Variants in RNF11 observed in about 807,000 individuals in gnomAD.
RNF11 encodes ring finger protein 11.
In RNF11, 4 loss-of-function variants were observed where a neutral mutation model predicts 15.8. The observed-to-expected ratio is 0.25, with a 90% CI of 0.12 to 0.58. RNF11 has a LOEUF of 0.58. Among genes scored for constraint, RNF11 ranks in the 20% least tolerant of loss-of-function variants. The probability of loss-of-function intolerance (pLI) is 0.91; values close to 1 mark genes in which losing one functional copy is unlikely to be tolerated. For missense variants in RNF11, 139 were observed against 194.4 expected (o/e 0.71, Z 1.70); for synonymous variants, 68 against 72.3 (o/e 0.94, Z 0.30).
chr1:51,262,715 CTT>C (rs35542254), intron 1 of RNF11, among the ~76,000 whole-genome samples: 913 of 84,014 alleles, frequency 0.011, 5 homozygotes, highest in African/African-American at 0.043. Context: ...GCCTGCTAAT[CTT>C]TTTTTTTTTT....
At chr1:51,257,433 C>A (rs182016522) in intron 1 of RNF11, among the ~76,000 whole-genome samples, 46 of 152,074 alleles carry the variant, frequency 3.0e-4, no homozygotes, top group Middle Eastern at 3.4e-3. Context: ...TTTTAATTTT[C>A]TTTATTTTTT....
intron 1 of RNF11, among the ~76,000 whole-genome samples, chr1:51,262,976 T>C (rs1035387546): frequency 2.0e-5 from 3 of 152,132 alleles, no homozygotes; most frequent in Non-Finnish European, 2.9e-5. Flanking sequence ...AAAGATTAAG[T>C]TTAAGCAATG....
intron 1 of RNF11, among the ~76,000 whole-genome samples, chr1:51,256,231 C>G (rs1296462113): frequency 6.6e-6 from 1 of 152,152 alleles, no homozygotes; most frequent in Non-Finnish European, 1.5e-5. Flanking sequence ...GTTCATCCCT[C>G]CCCCCAACAC....
intron 1 of RNF11, among the ~76,000 whole-genome samples, chr1:51,238,414 C>G (rs1055302526): frequency 6.6e-6 from 1 of 152,138 alleles, no homozygotes; most frequent in African/African-American, 2.4e-5. Flanking sequence ...TTGTATCCCT[C>G]GCATCTGCCT....
intron 1 of RNF11, among the ~76,000 whole-genome samples, chr1:51,258,343 TA>T (rs1557680938): frequency 6.6e-6 from 1 of 152,166 alleles, no homozygotes; most frequent in Non-Finnish European, 1.5e-5. Context: ...GGTTGGGCAG[TA>T]GAGCAGGGCA....
intron 1 of RNF11, among the ~76,000 whole-genome samples, chr1:51,247,098 T>C (rs1646855697): frequency 6.6e-6 from 1 of 152,166 alleles, no homozygotes; most frequent in South Asian, 2.1e-4. Context: ...GAGTTCAGGC[T>C]TTTTTCAGCT....
intron 2 of RNF11, among the ~76,000 whole-genome samples, chr1:51,270,716 G>A (rs909473339): frequency 3.9e-5 from 6 of 152,148 alleles, no homozygotes; most frequent in South Asian, 4.1e-4. Flanking sequence ...AAAGTTGCCC[G>A]AAGTTAGTGT....
intron 1 of RNF11, among the ~76,000 whole-genome samples, chr1:51,242,873 C>G (rs1646836457): frequency 6.6e-6 from 1 of 152,142 alleles, no homozygotes; most frequent in African/African-American, 2.4e-5. Flanking sequence ...TGGAAAATAT[C>G]TCCAAATTTA....
rs186342757 is a variant in RNF11 at position 51,238,405 on chromosome 1, T to C, written c.123+1526T>C. 1.1e-3 allele frequency among the ~76,000 whole-genome samples: 170 copies of C among 152,312 alleles called. 1 individual carries two copies. The highest frequency in any genetic ancestry group is 2.4e-4 in the Non-Finnish European group (16 of 68,016). The stretch of plus-strand genomic sequence containing the variant: ...AGAATCTGTGTTTCCGGTTTGCTGT[T>C]GTATCCCTCGCATCTGCCTCAGTAG... On this transcript the variant is annotated intron_variant, in intron 1 of 2. Transcript: ENST00000242719.
At chr1:51,242,076 C>T (rs907840947) in intron 1 of RNF11, among the ~76,000 whole-genome samples, 1 of 152,136 alleles carries the variant, frequency 6.6e-6, no homozygotes, top group African/African-American at 2.4e-5. Context: ...CCGACCTATA[C>T]TTTTTGATTG....
rs1161390183 is a variant in RNF11, at chr1:51,236,347, T to G, written c.-410T>G. The G allele has an allele frequency of 6.5e-6, 1 of 154,320 alleles. No individual in the cohort carries two copies. Among genetic ancestry groups the G allele is most frequent in the South Asian group, 1.9e-4 (1 of 5,214 alleles). 9.6% of individuals were successfully genotyped at this position (154,320 alleles called of 1,614,324 possible). On this transcript the variant is annotated 5_prime_UTR_variant, in exon 1 of 3. Transcript: ENST00000242719. ...GTAGGATGAGGCCCGCGGCCGTGGC[T>G]CCGGCGTCGGCGGGGGCAGCAGCAG...
At position 51,270,143 on chromosome 1, in the gene RNF11, T is replaced by A. The variant is rs536738838; in HGVS notation, c.293+18T>A. 5.1e-6 allele frequency: 8 copies of A among 1,572,994 alleles called. No individual in the cohort carries two copies. The South Asian group carries it at 9.5e-5, about 19-fold the overall frequency. On this transcript the variant is annotated intron_variant, in intron 2 of 2. Transcript: ENST00000242719. ...ATCCGGGAGTAAGTTTTAATTAATT[T>A]GTACATTTCAAAGTTTTATTTTCAG...
At chr1:51,248,271 G>A (rs1646861786) in intron 1 of RNF11, among the ~76,000 whole-genome samples, 2 of 150,318 alleles carry the variant, frequency 1.3e-5, no homozygotes, top group South Asian at 2.1e-4. Flanking sequence ...GCAGTGGCAC[G>A]ATCTTGGCTC....
At chr1:51,258,195 C>T (rs776824295) in intron 1 of RNF11, among the ~76,000 whole-genome samples, 61 of 152,068 alleles carry the variant, frequency 4.0e-4, no homozygotes, top group Non-Finnish European at 8.1e-4. Context: ...CGGAATGGCA[C>T]GCAATTTACA....
intron 1 of RNF11, among the ~76,000 whole-genome samples, chr1:51,263,257 A>AAAC (rs1419409335): frequency 6.6e-6 from 1 of 152,258 alleles, no homozygotes; most frequent in Non-Finnish European, 1.5e-5. Flanking sequence ...TAACAAGTAG[A>AAAC]AACAACCCAT....
intron 1 of RNF11, among the ~76,000 whole-genome samples, chr1:51,269,182 T>G (rs1182665127): frequency 2.6e-5 from 4 of 152,198 alleles, no homozygotes; most frequent in Non-Finnish European, 4.4e-5. Flanking sequence ...TCTGCAAAGG[T>G]AACCAAGGTG....
intron 1 of RNF11, among the ~76,000 whole-genome samples, chr1:51,264,351 A>G (rs543541869): frequency 2.1e-5 from 3 of 142,700 alleles, no homozygotes; most frequent in Non-Finnish European, 4.5e-5. Context: ...TTTATCAGGA[A>G]GATAGATGTG....
At chr1:51,251,344 G>A (rs111777776) in intron 1 of RNF11, 25 of 1,512,618 alleles carry the variant, frequency 1.7e-5, no homozygotes, top group Middle Eastern at 2.3e-4. Context: ...CCGCGGCCTC[G>A]GCCCCGGCCC....
intron 1 of RNF11, among the ~76,000 whole-genome samples, chr1:51,248,286 C>G (rs1349071989): frequency 6.6e-6 from 1 of 151,074 alleles, no homozygotes; most frequent in East Asian, 1.9e-4. Flanking sequence ...TGGCTCATTG[C>G]AACCTCTGCC....
Sources: allele counts gnomAD v4.1 joint callset (sites outside exome capture counted in the v4.1 genomes callset), GRCh38; gene constraint gnomAD v4.1.1; transcripts MANE v1.5; gene names NCBI Gene and HGNC (gene_info 2026-07-23, HGNC 2026-07-21).